The following RB1CC1 variants were observed in gnomAD, a reference collection of about 807,000 sequenced individuals.
The protein encoded by RB1CC1 is RB1-inducible coiled-coil protein 1.
RB1CC1 carries 46 observed loss-of-function variants against 177.5 expected under a neutral mutation model. The ratio of observed to expected loss-of-function variants is 0.26; its 90% CI spans 0.20 to 0.33. The LOEUF (loss-of-function observed/expected upper bound fraction) is 0.33. Ranked by LOEUF, RB1CC1 falls within the 10% of genes least tolerant of loss-of-function variation. The probability of loss-of-function intolerance (pLI) is 1.00; values close to 1 mark genes in which losing one functional copy is unlikely to be tolerated. For synonymous variants in RB1CC1, 666 were observed against 613.6 expected (o/e 1.09, Z -1.26); for missense variants, 1,703 against 1,816.3 (o/e 0.94, Z 1.13).
In RB1CC1 at chr8:52,659,443, T is replaced by G. The variant is rs377142374; in HGVS notation, c.1690-467A>C. ...CATTACATTTTCCAGAAGACAAAGT[T>G]TTGGTCAATTTTAGCTTCTGTAAAA... On this transcript the variant is annotated intron_variant, in intron 12 of 23. Transcript: ENST00000025008. Among the ~76,000 whole-genome samples the G allele has an allele frequency of 5.9e-5, 9 of 152,158 alleles. 1 individual carries two copies. The highest frequency in any genetic ancestry group is 4.6e-4 in the Admixed American group (7 of 15,270).
chr8:52,632,070 G>A (rs760357733), intron 20 of RB1CC1, among the ~76,000 whole-genome samples: 6 of 152,170 alleles, frequency 3.9e-5, no homozygotes, highest in Admixed American at 6.6e-5. Context: ...TACTGATGAT[G>A]AGCACAATCA....
rs192057528 is a variant in RB1CC1 at position 52,665,547 on chromosome 8, A to G, written c.1173+2474T>C. Among the ~76,000 whole-genome samples the G allele has an allele frequency of 4.1e-3, 619 of 152,328 alleles. 6 individuals carry two copies. Among genetic ancestry groups the G allele is most frequent in the African/African-American group, 0.014 (593 of 41,588 alleles). Reference sequence around the variant, plus strand: ...AATATGGAAAAACTGAAACAAACTAAATAATCACCAAAAGAAGTATGGTTA... The same window carrying G: ...AATATGGAAAAACTGAAACAAACTAGATAATCACCAAAAGAAGTATGGTTA... On this transcript the variant is annotated intron_variant, in intron 8 of 23. Transcript: ENST00000025008.
chr8:52,651,131 G>C (rs1850535566), intron 15 of RB1CC1, among the ~76,000 whole-genome samples: 1 of 152,196 alleles, frequency 6.6e-6, no homozygotes, highest in Admixed American at 6.5e-5. Flanking sequence ...ACAGTTACAA[G>C]AGGAGGGACA....
chr8:52,673,878 A>T lies in RB1CC1; in HGVS notation c.969T>A (p.Ser323=). 6.2e-7 allele frequency: 1 copy of T among 1,612,248 alleles called. No homozygotes were observed. The highest frequency in any genetic ancestry group is 1.3e-5 in the African/African-American group (1 of 74,980). The change falls in exon 7 of 24, where the codon TCT becomes TCA. Residue 323 remains serine, a synonymous_variant. Transcript: ENST00000025008. ...TAGAATCAAAGCACTTCCTGACCAA[A>T]GATTCCACATCATTAGGTCTATCTT... The part of the protein sequence containing the change: ...NVQDRPNDVE[S]LVRKCFDSMS...
intron 7 of RB1CC1, among the ~76,000 whole-genome samples, chr8:52,673,182 A>G (rs573533778): frequency 3.9e-5 from 6 of 152,306 alleles, no homozygotes; most frequent in African/African-American, 1.4e-4. Context: ...TCTTTTGACA[A>G]CAGCAGCCTT....
At chr8:52,699,010 T>C (rs937461689) in intron 1 of RB1CC1, among the ~76,000 whole-genome samples, 2 of 152,094 alleles carry the variant, frequency 1.3e-5, no homozygotes, top group Non-Finnish European at 2.9e-5. Context: ...ATTTTTTAAA[T>C]GGTCAAAAAT....
At chr8:52,648,505 G>A (rs897113351) in intron 15 of RB1CC1, among the ~76,000 whole-genome samples, 5 of 152,200 alleles carry the variant, frequency 3.3e-5, no homozygotes, top group African/African-American at 9.6e-5. Context: ...TGGGGAGCAA[G>A]AAGCTGTGTA....
chr8:52,689,174 G>A (rs1454387514), intron 1 of RB1CC1, among the ~76,000 whole-genome samples: 3 of 152,072 alleles, frequency 2.0e-5, no homozygotes, highest in Non-Finnish European at 4.4e-5. Context: ...TTCTAAAACT[G>A]AGCTCTGCCC....
At chr8:52,685,201 A>G (rs1854154867) in intron 3 of RB1CC1, among the ~76,000 whole-genome samples, 198 bp downstream of exon 3, 1 of 151,958 alleles carries the variant, frequency 6.6e-6, no homozygotes, top group Non-Finnish European at 1.5e-5. Flanking sequence ...ACGGGGTTTC[A>G]CCATGTTGGC....
At chr8:52,670,311 A>G (rs1444383018) in intron 7 of RB1CC1, among the ~76,000 whole-genome samples, 1 of 152,238 alleles carries the variant, frequency 6.6e-6, no homozygotes, top group African/African-American at 2.4e-5. Flanking sequence ...GAAATGTTTT[A>G]AATTACATAT....
intron 15 of RB1CC1, among the ~76,000 whole-genome samples, chr8:52,649,418 T>G (rs928311713): frequency 6.6e-6 from 1 of 152,196 alleles, no homozygotes; most frequent in Non-Finnish European, 1.5e-5. Flanking sequence ...ATCCAAATAT[T>G]TCTAGCAACT....
chr8:52,658,936 A>C lies in RB1CC1; in HGVS notation c.1730T>G (p.Ile577Ser). Residue 577 changes from isoleucine (I) to serine (S), a missense_variant, in exon 13 of 24, where the codon ATT becomes AGT. Transcript: ENST00000025008. ...PRKFDCELPD[I>S]SLKDLQFLQS... Reference sequence around the variant, plus strand: ...CAGAAACTGTAAATCTTTTAATGAAATATCTGGAAGTTCACAGTCAAACTT... The same window carrying C: ...CAGAAACTGTAAATCTTTTAATGAACTATCTGGAAGTTCACAGTCAAACTT... 1 of 1,586,368 alleles carries C rather than the reference A, an allele frequency of 6.3e-7. No homozygotes were observed. The highest frequency in any genetic ancestry group is 8.6e-7 in the Non-Finnish European group (1 of 1,167,324).
chr8:52,630,715 A>G (rs1848693188), intron 20 of RB1CC1, among the ~76,000 whole-genome samples, 187 bp from the exon 21 acceptor site: 1 of 152,312 alleles, frequency 6.6e-6, no homozygotes, highest in African/African-American at 2.4e-5. Flanking sequence ...TGGTTAGATT[A>G]AAAACTGATT....
At chr8:52,634,358 A>G (rs1039477922) in intron 20 of RB1CC1, among the ~76,000 whole-genome samples, 2 of 152,096 alleles carry the variant, frequency 1.3e-5, no homozygotes, top group African/African-American at 4.8e-5. Flanking sequence ...TCCTGTCTCT[A>G]TTAATTATGT....
chr8:52,647,531 T>C (rs1850162787), intron 15 of RB1CC1, among the ~76,000 whole-genome samples: 1 of 152,102 alleles, frequency 6.6e-6, no homozygotes, highest in South Asian at 2.1e-4. Context: ...CAAAGAGACT[T>C]ACAAAGAGAC....
intron 7 of RB1CC1, among the ~76,000 whole-genome samples, chr8:52,668,780 G>A (rs1299554901): frequency 6.6e-6 from 1 of 152,218 alleles, no homozygotes; most frequent in African/African-American, 2.4e-5. Flanking sequence ...TTCTGTCTGC[G>A]TTTTCCATAA....
chr8:52,657,193 T>C lies in RB1CC1; in HGVS notation c.2636A>G (p.Asp879Gly). 6.2e-7 allele frequency: 1 copy of C among 1,602,786 alleles called. No homozygotes were observed. Among genetic ancestry groups the C allele is most frequent in the South Asian group, 1.1e-5 (1 of 90,334 alleles). The change falls in exon 15 of 24, where the codon GAC becomes GGC. Residue 879 changes from aspartate to glycine, a missense_variant. By Grantham distance (94) the Asp-to-Gly change is moderately conservative. Around this residue, in one of 6 missense-constraint regions of RB1CC1, gnomAD observed 1,169 missense variants for 1,184.7 expected, o/e 0.99. Transcript: ENST00000025008. ...CTCTTCAGTTTCCTTTATTAGTCCGTCAAGTTTACCTTCATATTCATTTTT... is the reference window on the plus strand; with the variant it reads ...CTCTTCAGTTTCCTTTATTAGTCCGCCAAGTTTACCTTCATATTCATTTTT... ...SLKNEYEGKL[D>G]GLIKETEENE...
intron 22 of RB1CC1, among the ~76,000 whole-genome samples, chr8:52,627,825 C>T (rs1295431880): frequency 6.6e-6 from 1 of 152,072 alleles, no homozygotes; most frequent in Non-Finnish European, 1.5e-5. Context: ...CAACTGGTCC[C>T]TTGTATAAGC....
chr8:52,631,544 A>C (rs1848757969), intron 20 of RB1CC1, among the ~76,000 whole-genome samples: 1 of 152,206 alleles, frequency 6.6e-6, no homozygotes, highest in South Asian at 2.1e-4. Flanking sequence ...GTTGTAAGTA[A>C]CTAGAATTTC....
Sources: gnomAD v4.1 joint callset for allele counts (sites outside exome capture counted in the v4.1 genomes callset) on GRCh38, gnomAD v4.1.1 for gene constraint, gnomAD v4.1.1 regional missense constraint, MANE v1.5 for transcripts, NCBI Gene and HGNC (gene_info 2026-07-23, HGNC 2026-07-21) for gene names.